STARD13: variants seen among roughly 807,000 people sequenced by gnomAD.
STARD13 encodes the protein stAR-related lipid transfer protein 13.
Under a neutral mutation model 106.4 loss-of-function variants are expected in STARD13, and 62 were observed. That is an observed-to-expected ratio of 0.58 (90% CI 0.48 to 0.72). The LOEUF (loss-of-function observed/expected upper bound fraction) is 0.72. Ranked by LOEUF, STARD13 falls within the 30% of genes least tolerant of loss-of-function variation. The probability of loss-of-function intolerance (pLI) is 0.00; values close to 1 mark genes in which losing one functional copy is unlikely to be tolerated. For missense variants in STARD13, 1,387 were observed against 1,424.0 expected, an observed-to-expected ratio of 0.97 and a Z score of 0.42; for synonymous variants, 565 against 553.0, an observed-to-expected ratio of 1.02 and a Z score of -0.31.
At chr13:33,214,869 T>C (rs1887939059) in intron 1 of STARD13, among the ~76,000 whole-genome samples, 1 of 151,976 alleles carries the variant, frequency 6.6e-6, no homozygotes, top group African/African-American at 2.4e-5. Flanking sequence ...TGACAAGAGA[T>C]TCAGATGCTA....
At chr13:33,571,987 G>T in the STARD13 span, among the ~76,000 whole-genome samples, 2 of 152,132 alleles carry the variant, frequency 1.3e-5, no homozygotes, top group African/African-American at 2.4e-5. Flanking sequence ...TTAGCAGTGT[G>T]TGGGAAACAA....
the STARD13 span, among the ~76,000 whole-genome samples, chr13:33,510,161 G>A: frequency 2.6e-5 from 4 of 152,122 alleles, no homozygotes; most frequent in South Asian, 6.2e-4. Context: ...TTATCTTTTA[G>A]CCAGAGGTTG....
intron 10 of STARD13, among the ~76,000 whole-genome samples, chr13:33,111,458 C>T (rs1432225410): frequency 6.6e-6 from 1 of 152,214 alleles, no homozygotes; most frequent in Non-Finnish European, 1.5e-5. Flanking sequence ...CACACTCACA[C>T]AGATGTTTAA....
At chr13:33,252,200 G>A (rs1156771689) in intron 1 of STARD13, among the ~76,000 whole-genome samples, 3 of 152,168 alleles carry the variant, frequency 2.0e-5, no homozygotes, top group Non-Finnish European at 4.4e-5. Context: ...CTCAGAGGCT[G>A]CCCTTTATTT....
the STARD13 span, among the ~76,000 whole-genome samples, chr13:33,394,365 T>C: frequency 6.6e-6 from 1 of 152,158 alleles, no homozygotes; most frequent in Admixed American, 6.5e-5. Flanking sequence ...AATTAAAAAT[T>C]CATTTCCTCC....
At chr13:33,455,061 G>T in the STARD13 span, among the ~76,000 whole-genome samples, 1 of 152,204 alleles carries the variant, frequency 6.6e-6, no homozygotes, top group Non-Finnish European at 1.5e-5. Flanking sequence ...ATTCACCCCA[G>T]TTGCTTAAAG....
chr13:33,270,164 A>G (rs1891088235), intron 1 of STARD13, among the ~76,000 whole-genome samples: 1 of 152,156 alleles, frequency 6.6e-6, no homozygotes. Flanking sequence ...TGAACCTGGG[A>G]GGCAGAGGTT....
At chr13:33,213,431 C>G (rs1022797228) in intron 1 of STARD13, among the ~76,000 whole-genome samples, 6 of 152,162 alleles carry the variant, frequency 3.9e-5, no homozygotes, top group African/African-American at 1.4e-4. Context: ...AAGAGAGGCT[C>G]AGAAGGACAT....
chr13:33,330,676 T>C (rs1224837124), intron 1 of STARD13, among the ~76,000 whole-genome samples: 2 of 152,240 alleles, frequency 1.3e-5, no homozygotes, highest in African/African-American at 4.8e-5. Flanking sequence ...CAAGAAGTGA[T>C]ATCAGTTCCA....
the STARD13 span, among the ~76,000 whole-genome samples, chr13:33,646,315 T>C: frequency 6.6e-6 from 1 of 152,226 alleles, no homozygotes; most frequent in African/African-American, 2.4e-5. Context: ...ATAAATATCC[T>C]GTTGCTCTTT....
intron 1 of STARD13, among the ~76,000 whole-genome samples, chr13:33,228,506 A>G (rs1021700622): frequency 6.6e-6 from 1 of 152,134 alleles, no homozygotes; most frequent in Admixed American, 6.5e-5. Flanking sequence ...CTCCTTAGTG[A>G]AAGAAACTCA....
At chr13:33,453,394 T>C in the STARD13 span, among the ~76,000 whole-genome samples, 6 of 152,238 alleles carry the variant, frequency 3.9e-5, no homozygotes, top group Non-Finnish European at 8.8e-5. Flanking sequence ...TTCCTTTCTC[T>C]GGCACCAGCT....
chr13:33,592,059 T>C, the STARD13 span, among the ~76,000 whole-genome samples: 1 of 152,228 alleles, frequency 6.6e-6, no homozygotes, highest in Non-Finnish European at 1.5e-5. Flanking sequence ...CATAGGAAGC[T>C]GAAATCTGGC....
chr13:33,640,658 G>T, the STARD13 span, among the ~76,000 whole-genome samples: 2 of 152,154 alleles, frequency 1.3e-5, no homozygotes, highest in Non-Finnish European at 2.9e-5. Flanking sequence ...TCAGTTCCAT[G>T]CAGGCTTGTA....
the STARD13 span, among the ~76,000 whole-genome samples, chr13:33,376,213 G>A: frequency 1.1e-4 from 16 of 152,114 alleles, no homozygotes; most frequent in Non-Finnish European, 1.8e-4. Flanking sequence ...TTTGTAGTGG[G>A]TAGAGATGAA....
At chr13:33,390,188 A>G in the STARD13 span, among the ~76,000 whole-genome samples, 1 of 152,206 alleles carries the variant, frequency 6.6e-6, no homozygotes, top group African/African-American at 2.4e-5. Context: ...TATGCAAGCT[A>G]TTAATAAATA....
At chr13:33,598,346 A>G in the STARD13 span, among the ~76,000 whole-genome samples, 1 of 152,204 alleles carries the variant, frequency 6.6e-6, no homozygotes, top group African/African-American at 2.4e-5. Flanking sequence ...ACTGTTCTCA[A>G]CTGTCTCTGA....
the STARD13 span, among the ~76,000 whole-genome samples, chr13:33,371,696 G>A: frequency 2.2e-3 from 337 of 152,256 alleles, no homozygotes; most frequent in South Asian, 0.013. Context: ...GCTCTCATTT[G>A]CTTTCCATTT....
chr13:33,541,760 G>A, the STARD13 span, among the ~76,000 whole-genome samples: 1 of 152,188 alleles, frequency 6.6e-6, no homozygotes. Flanking sequence ...CAGGAGAACT[G>A]AGCACTTTGC....
Sources: gnomAD v4.1 joint callset for allele counts (sites outside exome capture counted in the v4.1 genomes callset) on GRCh38, gnomAD v4.1.1 for gene constraint, MANE v1.5 for transcripts, NCBI Gene and HGNC (gene_info 2026-07-23, HGNC 2026-07-21) for gene names.